The following MGAT4C variants were observed in gnomAD, a reference collection of about 807,000 sequenced individuals.
MGAT4C encodes alpha-1,3-mannosyl-glycoprotein 4-beta-N-acetylglucosaminyltransferase C.
MGAT4C carries 19 observed loss-of-function variants against 40.1 expected under a neutral mutation model. The ratio of observed to expected loss-of-function variants is 0.47; its 90% CI spans 0.33 to 0.70. The LOEUF is 0.70. Among genes scored for constraint, MGAT4C ranks in the 30% least tolerant of loss-of-function variants. The pLI, the probability that MGAT4C is intolerant of heterozygous loss-of-function variation, is 0.02. For synonymous variants in MGAT4C, 181 were observed against 187.1 expected (o/e 0.97, Z 0.27); for missense variants, 491 against 563.2 (o/e 0.87, Z 1.30).
intron 1 of MGAT4C, among the ~76,000 whole-genome samples, chr12:86,773,643 T>C (rs922708350): frequency 2.6e-5 from 4 of 152,114 alleles, no homozygotes; most frequent in South Asian, 2.1e-4. Flanking sequence ...CCACAAGGCA[T>C]ATAATTCTAC....
chr12:86,596,131 C>G (rs190473057), intron 2 of MGAT4C, among the ~76,000 whole-genome samples: 195 of 151,918 alleles, frequency 1.3e-3, no homozygotes, highest in African/African-American at 4.5e-3. Flanking sequence ...ATGTGCACAA[C>G]GTGCAGGTTT....
intron 2 of MGAT4C, among the ~76,000 whole-genome samples, chr12:86,553,127 A>C (rs1240114142): frequency 1.3e-5 from 2 of 152,128 alleles, no homozygotes; most frequent in East Asian, 3.8e-4. Context: ...TTATCAAGCA[A>C]ATCACTTAAG....
intron 4 of MGAT4C, among the ~76,000 whole-genome samples, chr12:86,288,611 C>T (rs940049350): frequency 6.6e-6 from 1 of 152,070 alleles, no homozygotes; most frequent in Non-Finnish European, 1.5e-5. Flanking sequence ...GGAATCCTTT[C>T]CCTATTGCTT....
intron 2 of MGAT4C, among the ~76,000 whole-genome samples, chr12:86,674,494 G>A (rs933629424): frequency 2.0e-5 from 3 of 152,014 alleles, no homozygotes; most frequent in Admixed American, 6.6e-5. Context: ...TCGAGAGTTC[G>A]AGACCTGCCT....
chr12:86,460,104 T>C (rs774535449), intron 2 of MGAT4C, among the ~76,000 whole-genome samples: 4 of 152,076 alleles, frequency 2.6e-5, no homozygotes, highest in Non-Finnish European at 5.9e-5. Flanking sequence ...ACGCAGACAC[T>C]TAAAAGGCTG....
intron 1 of MGAT4C, among the ~76,000 whole-genome samples, chr12:86,063,845 A>G (rs1368506407): frequency 6.6e-6 from 1 of 152,274 alleles, no homozygotes; most frequent in Admixed American, 6.5e-5. Context: ...CAACAAGAAG[A>G]GCTAACTATT....
chr12:86,612,041 A>G (rs1282937304), intron 2 of MGAT4C, among the ~76,000 whole-genome samples: 1 of 152,172 alleles, frequency 6.6e-6, no homozygotes, highest in African/African-American at 2.4e-5. Flanking sequence ...AAGTTTAATC[A>G]ACCTCTGGGC....
chr12:86,115,940 C>T (rs917550813), intron 1 of MGAT4C, among the ~76,000 whole-genome samples: 5 of 152,002 alleles, frequency 3.3e-5, no homozygotes, highest in African/African-American at 1.2e-4. Flanking sequence ...CAAAAGCACT[C>T]ACATTCTGAG....
intron 2 of MGAT4C, among the ~76,000 whole-genome samples, chr12:86,448,404 C>T (rs1957373467): frequency 6.6e-6 from 1 of 152,144 alleles, no homozygotes; most frequent in Non-Finnish European, 1.5e-5. Flanking sequence ...CTTTCACCAC[C>T]CTCATTAAAA....
At chr12:86,611,335 C>A (rs1302167623) in intron 2 of MGAT4C, among the ~76,000 whole-genome samples, 1 of 151,966 alleles carries the variant, frequency 6.6e-6, no homozygotes, top group Non-Finnish European at 1.5e-5. Flanking sequence ...CACACACACA[C>A]ACACGTATGA....
chr12:86,481,710 GA>G (rs1957940513), intron 2 of MGAT4C, among the ~76,000 whole-genome samples: 1 of 151,720 alleles, frequency 6.6e-6, no homozygotes, highest in Non-Finnish European at 1.5e-5. Flanking sequence ...AAATCATATT[GA>G]AAAATATTTA....
At chr12:86,079,971 C>T (rs1033867479) in intron 1 of MGAT4C, among the ~76,000 whole-genome samples, 27 of 151,796 alleles carry the variant, frequency 1.8e-4, no homozygotes, top group African/African-American at 6.3e-4. Context: ...ACCTTCTTTC[C>T]ATTTTTCTTT....
intron 1 of MGAT4C, among the ~76,000 whole-genome samples, chr12:86,207,556 A>T (rs1489929485): frequency 6.9e-6 from 1 of 144,628 alleles, no homozygotes; most frequent in Non-Finnish European, 1.5e-5. Context: ...AAATACAATA[A>T]CACTCTAATG....
At chr12:86,435,975 C>T (rs1293545553) in intron 2 of MGAT4C, among the ~76,000 whole-genome samples, 3 of 151,828 alleles carry the variant, frequency 2.0e-5, no homozygotes, top group Non-Finnish European at 4.4e-5. Context: ...TGAATATGAA[C>T]ACTAGATCAA....
chr12:86,317,805 C>T (rs1278211610), intron 4 of MGAT4C, among the ~76,000 whole-genome samples: 1 of 151,358 alleles, frequency 6.6e-6, no homozygotes, highest in East Asian at 1.9e-4. Context: ...ATATAAGAGA[C>T]ATTACATTCG....
intron 1 of MGAT4C, among the ~76,000 whole-genome samples, chr12:86,250,371 G>T (rs1029694325): frequency 1.0e-5 from 1 of 98,758 alleles, no homozygotes; most frequent in Non-Finnish European, 2.2e-5. Flanking sequence ...GAGAGAGAGA[G>T]ATTTTTAAAA....
At chr12:86,653,845 A>G (rs2136538434) in intron 2 of MGAT4C, among the ~76,000 whole-genome samples, 1 of 152,094 alleles carries the variant, frequency 6.6e-6, no homozygotes, top group East Asian at 1.9e-4. Context: ...AAATAAAATT[A>G]AATGTGGATT....
At chr12:86,516,777 A>T (rs1338035758) in intron 2 of MGAT4C, among the ~76,000 whole-genome samples, 1 of 152,194 alleles carries the variant, frequency 6.6e-6, no homozygotes, top group Non-Finnish European at 1.5e-5. Flanking sequence ...ACATGAAAAT[A>T]TGTTCAACCT....
At chr12:86,717,350 C>G (rs980710876) in intron 2 of MGAT4C, among the ~76,000 whole-genome samples, 2 of 152,044 alleles carry the variant, frequency 1.3e-5, no homozygotes, top group East Asian at 3.9e-4. Context: ...CAAGAGAAAG[C>G]AAGAATTTTG....
Sources: allele counts gnomAD v4.1 joint callset (sites outside exome capture counted in the v4.1 genomes callset), GRCh38; gene constraint gnomAD v4.1.1; transcripts MANE v1.5; gene names NCBI Gene and HGNC (gene_info 2026-07-23, HGNC 2026-07-21).